PDE3B: variants seen among roughly 807,000 people sequenced by gnomAD.
PDE3B encodes the protein phosphodiesterase 3B.
In PDE3B, 66 loss-of-function variants were observed where a neutral mutation model predicts 116.8. The observed-to-expected ratio is 0.56, with a 90% CI of 0.46 to 0.69. The LOEUF is 0.69. PDE3B is among the 30% of genes least tolerant of loss of function. The pLI, the probability that PDE3B is intolerant of heterozygous loss-of-function variation, is 0.00. For missense variants in PDE3B, 1,384 were observed against 1,368.1 expected (o/e 1.01, Z -0.18); for synonymous variants, 595 against 533.6 (o/e 1.12, Z -1.59).
chr11:14,786,635 T>A lies in PDE3B; in HGVS notation c.1228T>A (p.Cys410Ser), dbSNP rs1858209830. The change falls in exon 3 of 16, where the codon TGT becomes AGT. Residue 410 changes from cysteine to serine, a missense_variant. Physicochemically the swap from Cys to Ser is moderately radical, Grantham distance 112. Transcript: ENST00000282096. The stretch of plus-strand genomic sequence containing the variant: ...CACACCATTTCCTGGATTTTACCCC[T>A]GTTCTGAAATAGAGGACCCAGCTGA... ...PLTPFPGFYP[C>S]SEIEDPAEKG... 6.2e-7 allele frequency: 1 copy of A among 1,612,610 alleles called. No individual in the cohort carries two copies.
intron 1 of PDE3B, among the ~76,000 whole-genome samples, chr11:14,680,945 A>G (rs1854686256): frequency 6.6e-6 from 1 of 152,208 alleles, no homozygotes; most frequent in African/African-American, 2.4e-5. Flanking sequence ...ATGTAAGTAC[A>G]GATCCTCCTC....
intron 1 of PDE3B, among the ~76,000 whole-genome samples, chr11:14,752,099 GAAATCT>G (rs1165416620): frequency 6.6e-6 from 1 of 152,172 alleles, no homozygotes; most frequent in Non-Finnish European, 1.5e-5. Flanking sequence ...TGTATTCTAA[GAAATCT>G]ACTTTTTTAT....
chr11:14,798,313 T>G (rs1440194552), intron 4 of PDE3B, among the ~76,000 whole-genome samples: 1 of 152,182 alleles, frequency 6.6e-6, no homozygotes. Context: ...CTTTTTGATG[T>G]GCTGCTGGAT....
intron 2 of PDE3B, among the ~76,000 whole-genome samples, chr11:14,786,035 G>C (rs1255981889): frequency 1.3e-5 from 2 of 151,992 alleles, no homozygotes; most frequent in African/African-American, 4.8e-5. Context: ...AGGTCACACA[G>C]GTAAGATTAA....
intron 1 of PDE3B, among the ~76,000 whole-genome samples, chr11:14,714,436 G>T (rs917570883): frequency 6.6e-6 from 1 of 151,088 alleles, no homozygotes; most frequent in Non-Finnish European, 1.5e-5. Flanking sequence ...GCTACTCAGG[G>T]TATTGAGGCA....
intron 1 of PDE3B, among the ~76,000 whole-genome samples, chr11:14,768,602 A>G (rs532421936): frequency 6.2e-4 from 94 of 151,228 alleles, no homozygotes; most frequent in Non-Finnish European, 9.9e-4. Context: ...AAATTTTTCT[A>G]TTTTATTGTT....
chr11:14,866,692 C>A (rs1439945834), intron 14 of PDE3B, among the ~76,000 whole-genome samples: 1 of 152,174 alleles, frequency 6.6e-6, no homozygotes, highest in Non-Finnish European at 1.5e-5. Context: ...AGAATTTGTA[C>A]ATTGTGGGGA....
At position 14,846,180 on chromosome 11, in the gene PDE3B, A is replaced by G. The variant is rs532011452; in HGVS notation, c.2520+2154A>G. Among the ~76,000 whole-genome samples, 7 of 152,354 alleles carry G rather than the reference A, an allele frequency of 4.6e-5. No homozygotes were observed. The East Asian group carries it at 1.2e-3, about 25-fold the overall frequency. On this transcript the variant is annotated intron_variant, in intron 12 of 15. Transcript: ENST00000282096. ...ACAAGCCAGAAGAGAGTGGGGGCCA[A>G]TATTCAACATTCTTAAAGAAAAGAA...
chr11:14,771,353 AG>A (rs952328910), intron 1 of PDE3B, among the ~76,000 whole-genome samples: 2 of 151,740 alleles, frequency 1.3e-5, no homozygotes, highest in Admixed American at 6.6e-5. Flanking sequence ...GAAGAAGGGC[AG>A]GAAAAAAACT....
At chr11:14,703,037 C>T (rs1855418051) in intron 1 of PDE3B, among the ~76,000 whole-genome samples, 1 of 151,834 alleles carries the variant, frequency 6.6e-6, no homozygotes, top group Non-Finnish European at 1.5e-5. Context: ...AGATCCAAAT[C>T]CTGGTCTTCT....
At chr11:14,692,964 G>A (rs1261908142) in intron 1 of PDE3B, among the ~76,000 whole-genome samples, 1 of 152,166 alleles carries the variant, frequency 6.6e-6, no homozygotes, top group African/African-American at 2.4e-5. Flanking sequence ...AGCTGTGAAT[G>A]CAAAGGAAAA....
chr11:14,663,034 A>C (rs1448955751), intron 1 of PDE3B, among the ~76,000 whole-genome samples: 11 of 152,072 alleles, frequency 7.2e-5, no homozygotes, highest in Non-Finnish European at 1.6e-4. Context: ...AAATGAAGGA[A>C]AAAATGTTAA....
chr11:14,749,455 C>G lies in PDE3B; in HGVS notation c.979-22482C>G, dbSNP rs1856998413. Among the ~76,000 whole-genome samples the G allele has an allele frequency of 1.3e-5, 2 of 152,096 alleles. 1 individual carries two copies. The highest frequency in any genetic ancestry group is 4.1e-4 in the South Asian group (2 of 4,826). On this transcript the variant is annotated intron_variant, in intron 1 of 15. Coordinates refer to ENST00000282096, the MANE Select transcript of PDE3B (RefSeq NM_000922.4). ...TGAAAAGCAAATAGTTATACTGAAT[C>G]AAAGTCAGCTTCCTTGTCTTTCTTT...
At chr11:14,796,505 T>C (rs961707093) in intron 4 of PDE3B, among the ~76,000 whole-genome samples, 1 of 152,226 alleles carries the variant, frequency 6.6e-6, no homozygotes, top group Non-Finnish European at 1.5e-5. Context: ...AGTATTCTTA[T>C]TTCTCCACAT....
At position 14,645,009 on chromosome 11, in the gene PDE3B, A is replaced by G; in HGVS notation, c.934A>G (p.Lys312Glu). 6.2e-7 allele frequency: 1 copy of G among 1,613,388 alleles called. No individual in the cohort carries two copies. The highest frequency in any genetic ancestry group is 8.5e-7 in the Non-Finnish European group (1 of 1,179,836). Residue 312 changes from lysine to glutamate, a missense_variant, in exon 1 of 16, where the codon AAA (lysine) becomes GAA (glutamate). Coordinates refer to ENST00000282096, the MANE Select transcript of PDE3B (RefSeq NM_000922.4). ...ETAASYYGSCKIFRRPSLPCI... is the reference protein window; with the variant it reads ...ETAASYYGSCEIFRRPSLPCI... ...TGCAGCCAGTTACTATGGCAGTTGC[A>G]AAATATTCAGGAGACCGTCGTTGCC... is the stretch of plus-strand genomic sequence containing the variant.
At chr11:14,885,993 G>GT in the PDE3B span, 9 of 1,425,408 alleles carry the variant, frequency 6.3e-6, no homozygotes, top group African/African-American at 8.5e-5. Context: ...TCTACAAGTG[G>GT]TAAGTGCGGC....
intron 1 of PDE3B, among the ~76,000 whole-genome samples, chr11:14,687,592 A>G (rs1167156381): frequency 6.6e-6 from 1 of 152,176 alleles, no homozygotes; most frequent in Non-Finnish European, 1.5e-5. Flanking sequence ...TGTTTTATGC[A>G]TTATACCTGG....
intron 2 of PDE3B, among the ~76,000 whole-genome samples, chr11:14,779,993 A>C (rs1442591791): frequency 2.0e-5 from 3 of 151,896 alleles, no homozygotes; most frequent in South Asian, 2.1e-4. Flanking sequence ...AAATGGAAAA[A>C]AAAAAAAAAA....
At chr11:14,863,953 C>T (rs991015702) in intron 14 of PDE3B, among the ~76,000 whole-genome samples, 68 of 152,142 alleles carry the variant, frequency 4.5e-4, no homozygotes, top group African/African-American at 1.6e-3. Context: ...TCATACATAA[C>T]AGTATTAGCC....
Sources: gnomAD v4.1 joint callset for allele counts (sites outside exome capture counted in the v4.1 genomes callset) on GRCh38, gnomAD v4.1.1 for gene constraint, MANE v1.5 for transcripts, NCBI Gene and HGNC (gene_info 2026-07-23, HGNC 2026-07-21) for gene names.